GNAI3: variants seen among roughly 807,000 people sequenced by gnomAD.
GNAI3 encodes G protein subunit alpha i3.
A neutral mutation model predicts 41.8 loss-of-function variants in GNAI3; 12 were observed. The observed-to-expected ratio is 0.29, with a 90% CI of 0.18 to 0.47. The LOEUF is 0.47. Ranked by LOEUF, GNAI3 falls within the 20% of genes least tolerant of loss-of-function variation. The pLI, the probability that GNAI3 is intolerant of heterozygous loss-of-function variation, is 1.00. For synonymous variants in GNAI3, 132 were observed against 146.5 expected (o/e 0.90, Z 0.71); for missense variants, 360 against 429.6 (o/e 0.84, Z 1.43).
intron 3 of GNAI3, among the ~76,000 whole-genome samples, chr1:109,577,369 T>C (rs542840186): frequency 6.6e-6 from 1 of 150,472 alleles, no homozygotes; most frequent in South Asian, 2.1e-4. Flanking sequence ...CTCCGCCTCC[T>C]GGGTTCAAGC....
intron 6 of GNAI3, 133 bp from the exon 7 acceptor site, chr1:109,586,594 CTT>C (rs2101109699): frequency 1.4e-6 from 1 of 716,310 alleles, no homozygotes; most frequent in Admixed American, 2.9e-5. Context: ...TGACACTCAA[CTT>C]TATCTTATTG....
intron 1 of GNAI3, among the ~76,000 whole-genome samples, chr1:109,572,645 G>C (rs750922410): frequency 9.2e-5 from 14 of 152,168 alleles, no homozygotes; most frequent in South Asian, 2.1e-4. Flanking sequence ...AAGAGGGATA[G>C]AGAAAATGGT....
Position 109,579,294 on chromosome 1 carries a change from C to G in GNAI3, c.394C>G (p.Arg132Gly). The change falls in exon 4 of 9, where the codon CGA becomes GGA. Residue 132 changes from arginine (R) to glycine (G), a missense_variant. Arg to Gly is a moderately radical substitution (Grantham distance 125, BLOSUM62 -2). Coordinates refer to ENST00000369851, the MANE Select transcript of GNAI3 (RefSeq NM_006496.4). ...ELAGVIKRLW[R>G]DGGVQACFSR... ...AGCAGGAGTGATTAAACGGTTATGG[C>G]GAGATGGTGGGGTACAAGCTTGCTT... The G allele has an allele frequency of 6.2e-7, 1 of 1,612,932 alleles. No homozygotes were observed. The highest frequency in any genetic ancestry group is 1.3e-5 in the African/African-American group (1 of 74,974).
At chr1:109,581,767 TA>T (rs999846519) in intron 4 of GNAI3, among the ~76,000 whole-genome samples, 2 of 151,928 alleles carry the variant, frequency 1.3e-5, no homozygotes, top group African/African-American at 4.8e-5. Flanking sequence ...CGGGCACCTG[TA>T]ATCCCAGCTG....
In GNAI3 at chr1:109,593,997, T is replaced by G. The variant is rs1400854918; in HGVS notation, c.*1675T>G. On this transcript the variant is annotated 3_prime_UTR_variant, in exon 9 of 9. Transcript: ENST00000369851. ...CAACAAAAAAAGCAAGTCATAGCAGTTCAGTGCCTTTGTTGGTAGTTTTTA... is the reference window on the plus strand; with the variant it reads ...CAACAAAAAAAGCAAGTCATAGCAGGTCAGTGCCTTTGTTGGTAGTTTTTA... 6.6e-6 allele frequency: 1 copy of G among 152,660 alleles called. No individual in the cohort carries two copies. The highest frequency in any genetic ancestry group is 1.5e-5 in the Non-Finnish European group (1 of 68,050). 9.5% of individuals were successfully genotyped at this position (152,660 alleles called of 1,614,324 possible).
intron 1 of GNAI3, among the ~76,000 whole-genome samples, chr1:109,568,001 T>C (rs1335477337): frequency 6.6e-6 from 1 of 151,668 alleles, no homozygotes; most frequent in Non-Finnish European, 1.5e-5. Context: ...ATTAGCCATC[T>C]GTCAGGGTTA....
rs1336100866 is a variant in GNAI3, at chr1:109,564,684, G to C, written c.119-9053G>C. Among the ~76,000 whole-genome samples the C allele has an allele frequency of 2.8e-4, 42 of 152,278 alleles. 1 individual carries two copies. Among genetic ancestry groups the C allele is most frequent in the Admixed American group, 2.7e-3 (42 of 15,292 alleles). ...AACAGCCTGTGACTAGGTGACTCCT[G>C]TGTTAGGTATTTACCCTCGATTCGG... is the stretch of plus-strand genomic sequence containing the variant. On this transcript the variant is annotated intron_variant, in intron 1 of 8. Coordinates refer to ENST00000369851, the MANE Select transcript of GNAI3 (RefSeq NM_006496.4).
Position 109,568,675 on chromosome 1 carries a change from C to T in GNAI3, c.119-5062C>T, listed in dbSNP as rs559205203. 3.9e-5 allele frequency among the ~76,000 whole-genome samples: 6 copies of T among 152,046 alleles called. No homozygotes were observed. The South Asian group carries it at 1.2e-3, about 32-fold the overall frequency. ...ATTATGTATCCAAACTGTAGATAAA[C>T]ACAGATGATTTTCTTTTTCTTTTTG... On this transcript the variant is annotated intron_variant, in intron 1 of 8. Coordinates refer to ENST00000369851, the MANE Select transcript of GNAI3 (RefSeq NM_006496.4).
intron 1 of GNAI3, among the ~76,000 whole-genome samples, chr1:109,555,044 A>G (rs80326122): frequency 6.6e-6 from 1 of 152,220 alleles, no homozygotes; most frequent in Admixed American, 6.5e-5. Context: ...ATACAAACAA[A>G]TGGAAACACG....
chr1:109,575,390 C>T (rs1476518988), intron 3 of GNAI3, among the ~76,000 whole-genome samples: 1 of 151,810 alleles, frequency 6.6e-6, no homozygotes, highest in Non-Finnish European at 1.5e-5. Context: ...GTCAGTAGTA[C>T]TGTATTTATT....
chr1:109,597,089 T>C lies in GNAI3; in HGVS notation c.*4767T>C, dbSNP rs1339074244. 5.3e-5 allele frequency: 8 copies of C among 152,212 alleles called. No individual in the cohort carries two copies. The highest frequency in any genetic ancestry group is 1.3e-4 in the Admixed American group (2 of 15,272). The allele number at this position is 152,212 out of a possible 1,614,324, so 9.4% of individuals were successfully genotyped here. A position where few individuals can be genotyped will look rare whatever the true frequency, so the allele number is the denominator to read the frequency against. On this transcript the variant is annotated 3_prime_UTR_variant, in exon 9 of 9. Transcript: ENST00000369851. ...CAGTGTGTGCTTCCTTTGAGTGTTA[T>C]GTTGTTACCCAAAAAGCTTTTGATT...
intron 3 of GNAI3, among the ~76,000 whole-genome samples, chr1:109,577,126 C>T (rs1471549166): frequency 4.6e-5 from 7 of 151,498 alleles, no homozygotes; most frequent in Non-Finnish European, 1.0e-4. Flanking sequence ...TTAGATAAAG[C>T]ACCATACCTT....
chr1:109,550,370 T>C lies in GNAI3; in HGVS notation c.118+1532T>C, dbSNP rs180672451. ...CAGAAGATGCGAGTTCAAATTGTAG[T>C]TCTAGACTGCGACTGTCTGTATAAC... On this transcript the variant is annotated intron_variant, in intron 1 of 8. Coordinates refer to ENST00000369851, the MANE Select transcript of GNAI3 (RefSeq NM_006496.4). 4.6e-5 allele frequency among the ~76,000 whole-genome samples: 7 copies of C among 152,302 alleles called. No individual in the cohort carries two copies. The East Asian group carries it at 1.2e-3, about 25-fold the overall frequency.
At chr1:109,570,738 C>T (rs2101098777) in intron 1 of GNAI3, among the ~76,000 whole-genome samples, 1 of 152,242 alleles carries the variant, frequency 6.6e-6, no homozygotes, top group East Asian at 1.9e-4. Context: ...GCTGTGAGGA[C>T]AAAGTGGAGA....
intron 1 of GNAI3, among the ~76,000 whole-genome samples, chr1:109,571,698 G>A (rs1026979178): frequency 6.6e-6 from 1 of 152,088 alleles, no homozygotes; most frequent in South Asian, 2.1e-4. Context: ...CAGGTGGATC[G>A]CTTGAGCCCA....
intron 3 of GNAI3, among the ~76,000 whole-genome samples, chr1:109,576,620 G>A (rs1364063190): frequency 6.6e-6 from 1 of 152,080 alleles, no homozygotes; most frequent in Non-Finnish European, 1.5e-5. Context: ...CTGGGTTCAA[G>A]CGATTCTCCT....
intron 1 of GNAI3, among the ~76,000 whole-genome samples, chr1:109,555,963 C>CGTGTGTGT (rs71069692): frequency 0.024 from 3,478 of 144,504 alleles, 43 homozygotes; most frequent in Middle Eastern, 0.035. Context: ...TGCGTGCGTG[C>CGTGTGTGT]GTGTGTGTGT....
At chr1:109,584,272 T>C (rs1230619806) in intron 5 of GNAI3, among the ~76,000 whole-genome samples, 1 of 152,198 alleles carries the variant, frequency 6.6e-6, no homozygotes, top group East Asian at 1.9e-4. Flanking sequence ...CAGCTATGAA[T>C]GCTTTTAGAA....
At chr1:109,553,122 T>C (rs1409921984) in intron 1 of GNAI3, among the ~76,000 whole-genome samples, 1 of 152,078 alleles carries the variant, frequency 6.6e-6, no homozygotes, top group African/African-American at 2.4e-5. Flanking sequence ...TTTTCAGAGG[T>C]TTTTCAGACA....
Sources: allele counts gnomAD v4.1 joint callset (sites outside exome capture counted in the v4.1 genomes callset), GRCh38; gene constraint gnomAD v4.1.1; transcripts MANE v1.5; gene names NCBI Gene and HGNC (gene_info 2026-07-23, HGNC 2026-07-21).